The following SLC29A3 variants were observed in gnomAD, a reference collection of about 807,000 sequenced individuals.
SLC29A3 encodes the protein solute carrier family 29 member 3.
A neutral mutation model predicts 25.4 loss-of-function variants in SLC29A3; 18 were observed. The observed-to-expected ratio is 0.71, with a 90% confidence interval of 0.49 to 1.05. SLC29A3 has a LOEUF of 1.05. SLC29A3 is among the 50% of genes least tolerant of loss of function. SLC29A3 has a pLI of 0.00. For synonymous variants in SLC29A3, 258 were observed against 267.1 expected (o/e 0.97, Z 0.33); for missense variants, 586 against 609.0 (o/e 0.96, Z 0.40).
chr10:71,372,993 C>G (rs1847222886), intron 3 of SLC29A3, among the ~76,000 whole-genome samples: 1 of 152,158 alleles, frequency 6.6e-6, no homozygotes, highest in Non-Finnish European at 1.5e-5. Flanking sequence ...GCGCTGTGAT[C>G]TCACCCCCTC....
intron 2 of SLC29A3, among the ~76,000 whole-genome samples, chr10:71,326,911 C>T (rs1419820764): frequency 6.6e-6 from 1 of 152,212 alleles, no homozygotes; most frequent in African/African-American, 2.4e-5. Context: ...TGAGGCATTT[C>T]TGCATTTTGC....
rs530064304 is a variant in SLC29A3 at position 71,333,602 on chromosome 10, T to G, written c.300+10548T>G. The stretch of plus-strand genomic sequence containing the variant: ...ACCACCAGGCCACAGGGCATGGCCC[T>G]TGTCCCTGGTCATCAGCCTTGTGAC... On this transcript the variant is annotated intron_variant, in intron 2 of 5. Coordinates refer to ENST00000373189, the MANE Select transcript of SLC29A3 (RefSeq NM_018344.6). Among the ~76,000 whole-genome samples the G allele has an allele frequency of 2.0e-5, 3 of 152,384 alleles. No individual in the cohort carries two copies. In the East Asian group the frequency reaches 5.8e-4, roughly 29 times the overall value.
In SLC29A3 at chr10:71,332,601, G is replaced by A. The variant is rs901806449; in HGVS notation, c.300+9547G>A. 1.3e-5 allele frequency among the ~76,000 whole-genome samples: 2 copies of A among 152,190 alleles called. 1 individual carries two copies. Among genetic ancestry groups the A allele is most frequent in the Admixed American group, 1.3e-4 (2 of 15,282 alleles). On this transcript the variant is annotated intron_variant, in intron 2 of 5. Coordinates refer to ENST00000373189, the MANE Select transcript of SLC29A3 (RefSeq NM_018344.6). The stretch of plus-strand genomic sequence containing the variant: ...TGGGGAGTCTGAGGTCAGGCAGCAT[G>A]GGCTTCAGGCTTTCTGCCACTGGGT...
chr10:71,381,393 C>G (rs2131863205), downstream of SLC29A3: 1 of 152,278 alleles, frequency 6.6e-6, no homozygotes, highest in East Asian at 1.9e-4. Flanking sequence ...GAGCAAAGCT[C>G]CTGTTATTAA....
intron 4 of SLC29A3, among the ~76,000 whole-genome samples, chr10:71,378,091 ATGT>A (rs1847273696): frequency 1.3e-5 from 1 of 79,572 alleles, no homozygotes. Flanking sequence ...AGCTTAGACA[ATGT>A]TGGGGGGGGG....
chr10:71,325,252 G>C (rs867929709), intron 2 of SLC29A3, among the ~76,000 whole-genome samples: 1 of 152,192 alleles, frequency 6.6e-6, no homozygotes, highest in Non-Finnish European at 1.5e-5. Context: ...AGGCATCCCT[G>C]TTGTCCATCT....
At position 71,363,307 on chromosome 10, in the gene SLC29A3, A is replaced by G. The variant is rs1272755199; in HGVS notation, c.*699A>G. 1 of 454,016 alleles carries G rather than the reference A, an allele frequency of 2.2e-6. No individual in the cohort carries two copies. Among genetic ancestry groups the G allele is most frequent in the African/African-American group, 2.0e-5 (1 of 50,014 alleles). 28.1% of individuals were successfully genotyped at this position (454,016 alleles called of 1,614,324 possible). ...CTGGTGGTCTATGGCCTGGGTCAAG[A>G]TGAGGGTCTTTCAGTGTTCCTGTTT... On this transcript the variant is annotated 3_prime_UTR_variant, in exon 6 of 6. Coordinates refer to ENST00000373189, the MANE Select transcript of SLC29A3 (RefSeq NM_018344.6).
chr10:71,320,116 T>C (rs1370144746), intron 1 of SLC29A3, among the ~76,000 whole-genome samples: 1 of 152,218 alleles, frequency 6.6e-6, no homozygotes, highest in East Asian at 1.9e-4. Context: ...TCCTGGCTCC[T>C]TCTTCAGAAG....
At chr10:71,339,674 C>T (rs894446677) in intron 2 of SLC29A3, among the ~76,000 whole-genome samples, 18 of 152,150 alleles carry the variant, frequency 1.2e-4, no homozygotes, top group African/African-American at 4.3e-4. Flanking sequence ...ATGAGCTGCG[C>T]TGGCATCCTC....
downstream of SLC29A3, chr10:71,365,295 G>C (rs1306765601): frequency 6.6e-6 from 1 of 152,192 alleles, no homozygotes; most frequent in African/African-American, 2.4e-5. Context: ...AAGTAAACCA[G>C]CAGTCTCTGA....
rs373404056 is a variant in SLC29A3, at chr10:71,362,527, G to A, written c.1347G>A (p.Thr449=). The change falls in exon 6 of 6, where the codon ACG becomes ACA. Residue 449 remains threonine (T), a synonymous_variant. Transcript: ENST00000373189. The part of the protein sequence containing the change: ...KIVPRELAEA[T]GVVMSFYVCL... Reference sequence around the variant, plus strand: ...TGCCCAGGGAGCTGGCTGAGGCCACGGGAGTGGTGATGTCCTTTTATGTGT... The same window carrying A: ...TGCCCAGGGAGCTGGCTGAGGCCACAGGAGTGGTGATGTCCTTTTATGTGT... 1.2e-4 allele frequency: 192 copies of A among 1,614,040 alleles called. No homozygotes were observed. Among genetic ancestry groups the A allele is most frequent in the South Asian group, 3.3e-4 (30 of 91,090 alleles).
chr10:71,347,452 G>A (rs1266927620), intron 3 of SLC29A3, among the ~76,000 whole-genome samples: 1 of 152,100 alleles, frequency 6.6e-6, no homozygotes, highest in Non-Finnish European at 1.5e-5. Flanking sequence ...TAGAACCCCA[G>A]ACATTACAGC....
intron 5 of SLC29A3, among the ~76,000 whole-genome samples, chr10:71,360,856 AG>A (rs1847036783): frequency 6.6e-6 from 1 of 152,214 alleles, no homozygotes; most frequent in Non-Finnish European, 1.5e-5. Context: ...AACATAAGGG[AG>A]ACATAGGCCA....
intron 2 of SLC29A3, among the ~76,000 whole-genome samples, chr10:71,339,875 G>A (rs905137968): frequency 4.6e-5 from 7 of 151,968 alleles, no homozygotes; most frequent in African/African-American, 1.7e-4. Context: ...CCAACACTTT[G>A]TATCTGTTGT....
At chr10:71,348,593 T>C (rs1846659476) in intron 3 of SLC29A3, among the ~76,000 whole-genome samples, 1 of 152,090 alleles carries the variant, frequency 6.6e-6, no homozygotes, top group Non-Finnish European at 1.5e-5. Flanking sequence ...GAGCTGAGTG[T>C]GTAGGACCAC....
At chr10:71,351,862 T>C (rs1260103104) in intron 4 of SLC29A3, 74 bp downstream of exon 4, 9 of 1,339,546 alleles carry the variant, frequency 6.7e-6, no homozygotes, top group African/African-American at 4.3e-5. Flanking sequence ...GAGATGAGCA[T>C]GTGGTGGCCT....
intron 3 of SLC29A3, among the ~76,000 whole-genome samples, chr10:71,345,884 G>A (rs1846564073): frequency 6.6e-6 from 1 of 152,228 alleles, no homozygotes. Flanking sequence ...GCTCACTTAT[G>A]GTTTTATCTG....
chr10:71,341,282 G>C (rs184360863), intron 2 of SLC29A3, among the ~76,000 whole-genome samples: 1 of 152,342 alleles, frequency 6.6e-6, no homozygotes, highest in Non-Finnish European at 1.5e-5. Flanking sequence ...ACCAATGGCT[G>C]TGGACAGGGG....
At chr10:71,374,472 T>C (rs898818093) in intron 3 of SLC29A3, among the ~76,000 whole-genome samples, 1 of 152,218 alleles carries the variant, frequency 6.6e-6, no homozygotes, top group Non-Finnish European at 1.5e-5. Context: ...AGCTCCATTC[T>C]GCTCCCGCCA....
Sources: gnomAD v4.1 joint callset for allele counts (sites outside exome capture counted in the v4.1 genomes callset) on GRCh38, gnomAD v4.1.1 for gene constraint, MANE v1.5 for transcripts, NCBI Gene and HGNC (gene_info 2026-07-23, HGNC 2026-07-21) for gene names.